Variants in VRK2 observed in about 807,000 individuals in gnomAD.
VRK2 encodes the protein VRK serine/threonine kinase 2, also known as serine/threonine-protein kinase VRK2.
VRK2 carries 60 observed loss-of-function variants against 57.6 expected under a neutral mutation model. That is an observed-to-expected ratio of 1.04 (90% CI 0.85 to 1.29). The LOEUF (loss-of-function observed/expected upper bound fraction) is 1.29, where lower values mean the gene tolerates loss of function less well. Ranked by LOEUF, VRK2 falls within the 50% of genes most tolerant of loss-of-function variation. The pLI is 0.00. For synonymous variants in VRK2, 231 were observed against 199.2 expected, an observed-to-expected ratio of 1.16 and a Z score of -1.35; for missense variants, 705 against 588.1, an observed-to-expected ratio of 1.20 and a Z score of -2.06.
At chr2:57,995,007 C>T (rs991369144) in intron 1 of VRK2, among the ~76,000 whole-genome samples, 1 of 152,026 alleles carries the variant, frequency 6.6e-6, no homozygotes, top group Non-Finnish European at 1.5e-5. Flanking sequence ...TGTTCTTATA[C>T]AGAAATTTAA....
intron 1 of VRK2, among the ~76,000 whole-genome samples, chr2:57,997,381 G>T (rs915224508): frequency 2.3e-4 from 35 of 152,204 alleles, no homozygotes; most frequent in African/African-American, 8.4e-4. Flanking sequence ...AATATCCTCA[G>T]TGATGGGGAG....
At chr2:58,157,160 C>CTAAT (rs1684010496) in intron 12 of VRK2, among the ~76,000 whole-genome samples, 1 of 152,174 alleles carries the variant, frequency 6.6e-6, no homozygotes, top group South Asian at 2.1e-4. Flanking sequence ...CATATTTTGA[C>CTAAT]TAATTTTGTT....
chr2:58,046,866 C>T lies in VRK2; in HGVS notation c.-8C>T, dbSNP rs11688078. 41,004 of 985,496 alleles carry T rather than the reference C, an allele frequency of 0.042. 925 individuals are homozygous for T. The highest frequency in any genetic ancestry group is 0.05 in the Admixed American group (821 of 16,288). The allele number at this position is 985,496 out of a possible 1,614,324, so 61.0% of individuals were successfully genotyped here. On this transcript the variant is annotated splice_region_variant and 5_prime_UTR_variant, in exon 1 of 13. Coordinates refer to ENST00000340157, the MANE Select transcript of VRK2 (RefSeq NM_006296.7). The stretch of plus-strand genomic sequence containing the variant: ...GCCCGGCGACGGGGGATCCTGAGGC[C>T]CGGTCAGTCTCTTGCTCTGGGGTCT...
chr2:58,032,922 C>T (rs527273676), intron 2 of VRK2, among the ~76,000 whole-genome samples: 7 of 152,210 alleles, frequency 4.6e-5, no homozygotes, highest in Admixed American at 1.3e-4. Context: ...ATCTGCTTCA[C>T]GTAATTTGTT....
At chr2:57,992,106 T>A (rs1672786981) in intron 1 of VRK2, among the ~76,000 whole-genome samples, 1 of 152,210 alleles carries the variant, frequency 6.6e-6, no homozygotes, top group Non-Finnish European at 1.5e-5. Context: ...GATAGTTGTA[T>A]AATCCTAAAT....
chr2:57,931,130 T>TA (rs1670709664), intron 1 of VRK2, among the ~76,000 whole-genome samples: 1 of 152,096 alleles, frequency 6.6e-6, no homozygotes, highest in African/African-American at 2.4e-5. Context: ...CTTTTCAGGA[T>TA]AGTGATTTTT....
chr2:58,079,162 A>G (rs1007544148), intron 2 of VRK2, among the ~76,000 whole-genome samples: 2 of 152,168 alleles, frequency 1.3e-5, no homozygotes, highest in Non-Finnish European at 2.9e-5. Flanking sequence ...ATTTAGTAAG[A>G]ATATCATAGA....
At chr2:58,016,094 C>T (rs1329938860) in intron 1 of VRK2, among the ~76,000 whole-genome samples, 1 of 152,048 alleles carries the variant, frequency 6.6e-6, no homozygotes, top group African/African-American at 2.4e-5. Flanking sequence ...CTGGATCTAC[C>T]ACTTACAAAT....
intron 7 of VRK2, among the ~76,000 whole-genome samples, chr2:58,104,267 G>A (rs770921116): frequency 4.0e-5 from 6 of 151,478 alleles, no homozygotes; most frequent in African/African-American, 1.5e-4. Flanking sequence ...AGAAGAAATC[G>A]AATTATCTCT....
chr2:58,048,593 T>C, intron 1 of VRK2: 1 of 1,449,728 alleles, frequency 6.9e-7, no homozygotes, highest in Non-Finnish European at 9.2e-7. Context: ...ATTTGGTTAG[T>C]TTGCTTCTGT....
chr2:58,105,954 T>C (rs1446558326), intron 7 of VRK2, among the ~76,000 whole-genome samples: 1 of 151,910 alleles, frequency 6.6e-6, no homozygotes, highest in Non-Finnish European at 1.5e-5. Context: ...CAGCTAACAT[T>C]TTGTGAGTGT....
chr2:58,040,950 C>T, intron 3 of VRK2: 4 of 793,788 alleles, frequency 5.0e-6, no homozygotes, highest in Non-Finnish European at 4.6e-6. Flanking sequence ...TCTTACTTCT[C>T]CTCTGAAGGT....
At chr2:58,147,572 G>C (rs972428996) in intron 12 of VRK2, among the ~76,000 whole-genome samples, 1 of 151,812 alleles carries the variant, frequency 6.6e-6, no homozygotes, top group African/African-American at 2.4e-5. Flanking sequence ...CGAAAATACT[G>C]ATGCAAAGAA....
chr2:58,124,616 G>A (rs1362056141), intron 8 of VRK2, among the ~76,000 whole-genome samples: 1 of 152,174 alleles, frequency 6.6e-6, no homozygotes, highest in Non-Finnish European at 1.5e-5. Flanking sequence ...AGTTGGTGAA[G>A]ACAACTGTAT....
chr2:58,047,256 C>A (rs1290440267), intron 1 of VRK2: 2 of 319,132 alleles, frequency 6.3e-6, no homozygotes, highest in Non-Finnish European at 9.1e-6. Context: ...CGCTGCTTCT[C>A]GTTACCTTCC....
intron 1 of VRK2, among the ~76,000 whole-genome samples, chr2:57,974,407 AT>A (rs1474998275): frequency 6.6e-6 from 1 of 151,892 alleles, no homozygotes; most frequent in Non-Finnish European, 1.5e-5. Context: ...TATATATGGG[AT>A]TTTTTTATAA....
At chr2:57,996,802 A>G (rs1672938078) in intron 1 of VRK2, among the ~76,000 whole-genome samples, 1 of 152,090 alleles carries the variant, frequency 6.6e-6, no homozygotes, top group African/African-American at 2.4e-5. Context: ...ACCTATGTAG[A>G]TCCCCCATAT....
intron 8 of VRK2, among the ~76,000 whole-genome samples, chr2:58,129,436 C>T (rs1485614020): frequency 6.6e-6 from 1 of 151,858 alleles, no homozygotes; most frequent in Non-Finnish European, 1.5e-5. Context: ...ATTCCTAGTC[C>T]AGAGCTCTAT....
rs561067464 is a variant in VRK2, at chr2:57,981,737, A to T, written c.-438-43928A>T. On this transcript the variant is annotated intron_variant, in intron 1 of 15. Coordinates refer to the VRK2 transcript ENST00000417641. ...TTCTTGGAGATTTTATTCAATTTCC[A>T]GAAGTTTAATTTGGTTCTTTTTCAA... 3.2e-4 allele frequency among the ~76,000 whole-genome samples: 49 copies of T among 152,264 alleles called. 1 individual carries two copies. In the South Asian group the frequency reaches 6.8e-3, roughly 21 times the overall value.
Sources: gnomAD v4.1 joint callset for allele counts (sites outside exome capture counted in the v4.1 genomes callset) on GRCh38, gnomAD v4.1.1 for gene constraint, MANE v1.5 for transcripts, NCBI Gene and HGNC (gene_info 2026-07-23, HGNC 2026-07-21) for gene names.